The following TTC6 variants were observed in gnomAD, a reference collection of about 807,000 sequenced individuals.
TTC6 encodes tetratricopeptide repeat domain 6, also known as tetratricopeptide repeat protein 6.
In TTC6, 172 loss-of-function variants were observed where a neutral mutation model predicts 210.4. That is an observed-to-expected ratio of 0.82 (90% CI 0.72 to 0.93). TTC6 has a LOEUF of 0.93. Among genes scored for constraint, TTC6 ranks in the 40% least tolerant of loss-of-function variants. TTC6 has a pLI of 0.00. For missense variants in TTC6, 2,414 were observed against 2,318.1 expected (o/e 1.04, Z -0.85); for synonymous variants, 804 against 819.6 (o/e 0.98, Z 0.32).
intron 1 of TTC6, among the ~76,000 whole-genome samples, chr14:37,605,182 C>T (rs1194786665): frequency 6.6e-6 from 1 of 152,174 alleles, no homozygotes; most frequent in African/African-American, 2.4e-5. Flanking sequence ...GATATGTCTG[C>T]TCAAGTGAAG....
At chr14:37,708,043 G>A (rs2095838651) in intron 5 of TTC6, among the ~76,000 whole-genome samples, 1 of 151,798 alleles carries the variant, frequency 6.6e-6, no homozygotes, top group Admixed American at 6.6e-5. Flanking sequence ...TTTTCCTATC[G>A]GGTTTTCTAT....
At chr14:37,780,450 T>C (rs1595251366) in intron 14 of TTC6, among the ~76,000 whole-genome samples, 1 of 152,256 alleles carries the variant, frequency 6.6e-6, no homozygotes, top group African/African-American at 2.4e-5. Flanking sequence ...CTTTCATGCA[T>C]TCATGTGTTG....
chr14:37,758,583 G>T lies in TTC6; in HGVS notation c.3266+5348G>T, dbSNP rs1032572737. 2.6e-5 allele frequency among the ~76,000 whole-genome samples: 4 copies of T among 152,086 alleles called. No homozygotes were observed. In the East Asian group the frequency reaches 7.8e-4, roughly 30 times the overall value. On this transcript the variant is annotated intron_variant, in intron 14 of 30. Coordinates refer to ENST00000553443, the Ensembl canonical transcript of TTC6. ...TTATTTTGAGCCTATGTGTATCTTTGCAAGAGAGATGGGTCTCCTGAATGT... is the reference window on the plus strand; with the variant it reads ...TTATTTTGAGCCTATGTGTATCTTTTCAAGAGAGATGGGTCTCCTGAATGT...
intron 15 of TTC6, among the ~76,000 whole-genome samples, chr14:37,788,554 C>T (rs2096072846): frequency 6.6e-6 from 1 of 152,072 alleles, no homozygotes. Flanking sequence ...GTCTAGTGTC[C>T]TCCCCTCTAT....
At chr14:37,619,706 G>C (rs145436678), upstream of TTC6, among the ~76,000 whole-genome samples, 36 of 151,510 alleles carry the variant, frequency 2.4e-4, no homozygotes, top group African/African-American at 8.0e-4. Flanking sequence ...CAGTTTTTCA[G>C]TTCTAATTCT....
rs397853404 is a variant in TTC6 at position 37,616,757 on chromosome 14, A to AT, written c.-154-5293_-154-5292insT. ...TCCATCTCAAAAAAAAAAAAAAAAAAGATGCATCTATGGCTCTCCAACAAA... is the reference window on the plus strand; with the variant it reads ...TCCATCTCAAAAAAAAAAAAAAAAAATGATGCATCTATGGCTCTCCAACAAA... On this transcript the variant is annotated intron_variant, in intron 2 of 2. Transcript: ENST00000556845. Among the ~76,000 whole-genome samples, 3 of 150,988 alleles carry AT rather than the reference A, an allele frequency of 2.0e-5. No individual in the cohort carries two copies. The East Asian group carries it at 5.8e-4, about 29-fold the overall frequency.
chr14:37,719,044 T>C (rs1293976151), intron 6 of TTC6, among the ~76,000 whole-genome samples: 1 of 152,196 alleles, frequency 6.6e-6, no homozygotes. Context: ...ATTCATTATA[T>C]TTCTGTGTGT....
chr14:37,804,652 C>A, intron 20 of TTC6, 28 bp from the exon 23 acceptor site: 1 of 1,602,288 alleles, frequency 6.2e-7, no homozygotes, highest in Non-Finnish European at 8.5e-7. Flanking sequence ...ACATTTCTTG[C>A]CCCCTCCCTG....
intron 14 of TTC6, among the ~76,000 whole-genome samples, chr14:37,771,770 T>G (rs2096019696): frequency 6.6e-6 from 1 of 152,082 alleles, no homozygotes. Context: ...TGGCTCAGAG[T>G]AATTTGATCG....
chr14:37,712,617 A>G (rs1226577051), intron 5 of TTC6, among the ~76,000 whole-genome samples: 1 of 152,206 alleles, frequency 6.6e-6, no homozygotes, highest in African/African-American at 2.4e-5. Flanking sequence ...TGGAAGGAGA[A>G]GCAAACATGT....
chr14:37,781,988 C>T (rs111266711), intron 14 of TTC6, among the ~76,000 whole-genome samples: 7 of 152,016 alleles, frequency 4.6e-5, no homozygotes, highest in African/African-American at 1.4e-4. Context: ...TGGTCTATAT[C>T]TCTGTTTTGG....
At chr14:37,616,911 T>G (rs2095643698) in intron 2 of TTC6, among the ~76,000 whole-genome samples, 1 of 152,144 alleles carries the variant, frequency 6.6e-6, no homozygotes, top group African/African-American at 2.4e-5. Flanking sequence ...GACAGAGTCT[T>G]TGTCACCCAG....
At chr14:37,733,900 G>A (rs529056611) in intron 7 of TTC6, among the ~76,000 whole-genome samples, 12 of 152,078 alleles carry the variant, frequency 7.9e-5, no homozygotes, top group East Asian at 7.8e-4. Flanking sequence ...TGAGGTCCAC[G>A]AATTCTCTCT....
chr14:37,627,821 C>G (rs181836974), intron 1 of TTC6, among the ~76,000 whole-genome samples: 4 of 152,228 alleles, frequency 2.6e-5, no homozygotes, highest in East Asian at 3.9e-4. Flanking sequence ...GTAATGGGAT[C>G]GCTGGGTCAA....
At chr14:37,642,356 A>G (rs1235168965) in intron 1 of TTC6, among the ~76,000 whole-genome samples, 2 of 152,208 alleles carry the variant, frequency 1.3e-5, no homozygotes, top group Admixed American at 6.5e-5. Flanking sequence ...TACAGGTGGG[A>G]CAATCCGCAG....
intron 1 of TTC6, among the ~76,000 whole-genome samples, chr14:37,641,155 A>C (rs2095691028): frequency 6.6e-6 from 1 of 152,236 alleles, no homozygotes; most frequent in African/African-American, 2.4e-5. Flanking sequence ...AATTGAACCA[A>C]CTAAATATCC....
At chr14:37,704,882 G>A (rs1197954614) in intron 5 of TTC6, among the ~76,000 whole-genome samples, 1 of 151,958 alleles carries the variant, frequency 6.6e-6, no homozygotes, top group Non-Finnish European at 1.5e-5. Context: ...ATTTTGATAA[G>A]AAGAACATAT....
Position 37,808,859 on chromosome 14 carries a change from T to C in TTC6, c.4569+13T>C, listed in dbSNP as rs748855488. On this transcript the variant is annotated intron_variant, in intron 24 of 30. Coordinates refer to ENST00000553443, the Ensembl canonical transcript of TTC6. Reference sequence around the variant, plus strand: ...GGAACTTCAAATGGTAAGATGACCATTTTAGTAAACAATGTGTTTAAAGTG... The same window carrying C: ...GGAACTTCAAATGGTAAGATGACCACTTTAGTAAACAATGTGTTTAAAGTG... The C allele has an allele frequency of 1.5e-6, 2 of 1,333,860 alleles. No homozygotes were observed. Among genetic ancestry groups the C allele is most frequent in the East Asian group, 5.0e-5 (2 of 40,140 alleles). The allele number at this position is 1,333,860 out of a possible 1,614,324, so 82.6% of individuals were successfully genotyped here. A position where few individuals can be genotyped will look rare whatever the true frequency, so the allele number is the denominator to read the frequency against.
At chr14:37,666,854 G>A (rs2095749170) in intron 1 of TTC6, among the ~76,000 whole-genome samples, 1 of 149,896 alleles carries the variant, frequency 6.7e-6, no homozygotes, top group Non-Finnish European at 1.5e-5. Context: ...TGACTTTGGT[G>A]GGCCTCAAGC....
Sources: allele counts gnomAD v4.1 joint callset (sites outside exome capture counted in the v4.1 genomes callset), GRCh38; gene constraint gnomAD v4.1.1; transcripts MANE v1.5; gene names NCBI Gene and HGNC (gene_info 2026-07-23, HGNC 2026-07-21).